The following CELF2 variants were observed in gnomAD, a reference collection of about 807,000 sequenced individuals.
CELF2 encodes the protein CUGBP Elav-like family member 2, also known as CUG triplet repeat RNA-binding protein 2.
A neutral mutation model predicts 62.6 loss-of-function variants in CELF2; 8 were observed. The ratio of observed to expected loss-of-function variants is 0.13; its 90% CI spans 0.07 to 0.23. CELF2 has a LOEUF of 0.23. Ranked by LOEUF, CELF2 falls within the 10% of genes least tolerant of loss-of-function variation. The pLI, the probability that CELF2 is intolerant of heterozygous loss-of-function variation, is 1.00. For missense variants in CELF2, 333 were observed against 671.0 expected (o/e 0.50, Z 5.56); for synonymous variants, 258 against 250.0 (o/e 1.03, Z -0.30).
At chr10:11,114,506 T>C (rs1426726775) in intron 1 of CELF2, among the ~76,000 whole-genome samples, 1 of 152,212 alleles carries the variant, frequency 6.6e-6, no homozygotes, top group Non-Finnish European at 1.5e-5. Flanking sequence ...AAGTTGCTAA[T>C]GTTCTTACTT....
intron 1 of CELF2, among the ~76,000 whole-genome samples, chr10:10,893,850 A>G (rs1294176818): frequency 6.6e-6 from 1 of 152,158 alleles, no homozygotes; most frequent in African/African-American, 2.4e-5. Context: ...ACTGTTCATG[A>G]GAAACCTCCC....
chr10:11,257,221 CT>C (rs1298513512), intron 4 of CELF2, among the ~76,000 whole-genome samples: 1 of 151,754 alleles, frequency 6.6e-6, no homozygotes, highest in Non-Finnish European at 1.5e-5. Flanking sequence ...AAAATGTTTT[CT>C]TCCCTCGAAT....
chr10:10,519,586 C>A, the CELF2 span, among the ~76,000 whole-genome samples: 2 of 152,184 alleles, frequency 1.3e-5, no homozygotes, highest in Non-Finnish European at 1.5e-5. Flanking sequence ...AGAATGCCTG[C>A]AATGTTCCTG....
At chr10:10,962,463 G>T (rs140595348) in intron 2 of CELF2, among the ~76,000 whole-genome samples, 1 of 151,640 alleles carries the variant, frequency 6.6e-6, no homozygotes, top group Non-Finnish European at 1.5e-5. Flanking sequence ...TGGTTCACAC[G>T]TATAATCCCA....
chr10:11,125,476 C>T (rs966458920), intron 1 of CELF2, among the ~76,000 whole-genome samples: 2 of 151,696 alleles, frequency 1.3e-5, no homozygotes, highest in Admixed American at 1.3e-4. Context: ...CACAAGCAAC[C>T]AGTGGCTCAG....
chr10:10,526,949 A>G, the CELF2 span, among the ~76,000 whole-genome samples: 270 of 152,376 alleles, frequency 1.8e-3, 1 homozygote, highest in African/African-American at 6.3e-3. Flanking sequence ...CTTGCACCAC[A>G]GTTGTTTATA....
At chr10:10,651,303 C>G in the CELF2 span, among the ~76,000 whole-genome samples, 178 of 147,786 alleles carry the variant, frequency 1.2e-3, 1 homozygote, top group African/African-American at 4.1e-3. Context: ...GAGGGGTGCC[C>G]GCCATTGCCC....
chr10:11,153,111 T>G (rs1159992959), intron 1 of CELF2, among the ~76,000 whole-genome samples: 2 of 152,246 alleles, frequency 1.3e-5, no homozygotes, highest in Non-Finnish European at 2.9e-5. Context: ...AGCCGTTGGC[T>G]CATGCCTAAT....
At chr10:10,632,046 G>T in the CELF2 span, among the ~76,000 whole-genome samples, 1 of 152,186 alleles carries the variant, frequency 6.6e-6, no homozygotes, top group African/African-American at 2.4e-5. Flanking sequence ...CACAGCAGGT[G>T]TCCCTATTTG....
the CELF2 span, among the ~76,000 whole-genome samples, chr10:10,541,594 C>CT: frequency 6.6e-6 from 1 of 152,112 alleles, no homozygotes; most frequent in African/African-American, 2.4e-5. Flanking sequence ...ACTTTTAGAC[C>CT]ATATAGGATA....
the CELF2 span, among the ~76,000 whole-genome samples, chr10:10,558,503 T>TG: frequency 0.022 from 3,285 of 152,140 alleles, 125 homozygotes; most frequent in African/African-American, 0.074. Flanking sequence ...TCTCTTTTTT[T>TG]GTTGTGTCTC....
In CELF2 at chr10:11,300,017, A is replaced by G. The variant is rs551098098; in HGVS notation, c.976+11465A>G. Among the ~76,000 whole-genome samples, 9 of 152,284 alleles carry G rather than the reference A, an allele frequency of 5.9e-5. No individual in the cohort carries two copies. The East Asian group carries it at 1.7e-3, about 29-fold the overall frequency. ...TGTATGAATGGACTCTTCCAAACTC[A>G]TGGCCCCACACTGCCTTTATGAGTG... On this transcript the variant is annotated intron_variant, in intron 9 of 12. Transcript: ENST00000633077. The surrounding 1 kb of genome is among the most constrained non-coding windows in gnomAD (Gnocchi z 5.5).
At chr10:10,879,445 G>C (rs551581059) in intron 1 of CELF2, among the ~76,000 whole-genome samples, 1 of 152,334 alleles carries the variant, frequency 6.6e-6, no homozygotes, top group South Asian at 2.1e-4. Context: ...GTTCAGAGTT[G>C]AGTTGTTGCA....
In CELF2 at chr10:11,093,361, A is replaced by G. The variant is rs115593490; in HGVS notation, c.75-72125A>G. ...CATTATTTTAGCTACACCTCAGGGT[A>G]TTTCTGTCTTCACAAAGGGTATTGT... On this transcript the variant is annotated intron_variant, in intron 1 of 12. Coordinates refer to ENST00000633077, the MANE Select transcript of CELF2 (RefSeq NM_001326342.2). Among the ~76,000 whole-genome samples the G allele has an allele frequency of 9.2e-3, 1,394 of 152,310 alleles. 20 individuals are homozygous for G. Among genetic ancestry groups the G allele is most frequent in the African/African-American group, 0.032 (1,335 of 41,554 alleles).
chr10:11,293,593 C>G (rs1019737718), intron 9 of CELF2, among the ~76,000 whole-genome samples: 3 of 152,162 alleles, frequency 2.0e-5, no homozygotes, highest in East Asian at 3.9e-4. Flanking sequence ...CAGACGTCAC[C>G]CCTCTCCTGT....
chr10:10,948,087 C>A (rs976085016), intron 2 of CELF2, among the ~76,000 whole-genome samples: 1 of 152,132 alleles, frequency 6.6e-6, no homozygotes, highest in South Asian at 2.1e-4. Context: ...GAAACCTGGG[C>A]TCATCAGATC....
chr10:11,313,960 T>G (rs764500791), intron 9 of CELF2, among the ~76,000 whole-genome samples, 179 bp from the exon 10 acceptor site: 8 of 152,212 alleles, frequency 5.3e-5, no homozygotes, highest in Non-Finnish European at 1.0e-4. Flanking sequence ...CTGTGAAGAT[T>G]TTTTTAATCA....
the CELF2 span, among the ~76,000 whole-genome samples, chr10:10,544,134 G>A: frequency 6.6e-6 from 1 of 152,322 alleles, no homozygotes; most frequent in Non-Finnish European, 1.5e-5. Flanking sequence ...ACAAATGCTG[G>A]CGACCAGTGT....
At chr10:10,463,256 A>G in the CELF2 span, among the ~76,000 whole-genome samples, 1 of 152,202 alleles carries the variant, frequency 6.6e-6, no homozygotes, top group African/African-American at 2.4e-5. Flanking sequence ...ATTAAATTCA[A>G]CAAGTATTTC....
Sources: allele counts gnomAD v4.1 joint callset (sites outside exome capture counted in the v4.1 genomes callset), GRCh38; gene constraint gnomAD v4.1.1; non-coding constraint Gnocchi (gnomAD v3.1); transcripts MANE v1.5; gene names NCBI Gene and HGNC (gene_info 2026-07-23, HGNC 2026-07-21).